PDE4D: variants seen among roughly 807,000 people sequenced by gnomAD.
PDE4D encodes the protein phosphodiesterase 4D.
In PDE4D, 24 loss-of-function variants were observed where a neutral mutation model predicts 87.4. The observed-to-expected ratio is 0.27, with a 90% confidence interval of 0.20 to 0.39. The LOEUF is 0.39. PDE4D is among the 10% of genes least tolerant of loss of function. PDE4D has a pLI of 1.00. For missense variants in PDE4D, 714 were observed against 1,041.0 expected (o/e 0.69, Z 4.32); for synonymous variants, 384 against 383.2 (o/e 1.00, Z -0.02).
At chr5:60,214,526 C>G (rs547781852) in intron 1 of PDE4D, among the ~76,000 whole-genome samples, 1 of 152,048 alleles carries the variant, frequency 6.6e-6, no homozygotes, top group Non-Finnish European at 1.5e-5. Flanking sequence ...AGTATAACTA[C>G]TAGATACCAA....
chr5:58,982,804 T>G (rs1239241501), intron 11 of PDE4D, among the ~76,000 whole-genome samples: 1 of 152,170 alleles, frequency 6.6e-6, no homozygotes, highest in African/African-American at 2.4e-5. Context: ...TGTTGGGTGA[T>G]GACAGGGGTG....
intron 2 of PDE4D, among the ~76,000 whole-genome samples, chr5:60,085,221 G>A (rs761081492): frequency 2.6e-5 from 4 of 152,072 alleles, no homozygotes; most frequent in African/African-American, 4.8e-5. Context: ...AAAAGAGTTC[G>A]GGAATAGCAG....
intron 1 of PDE4D, among the ~76,000 whole-genome samples, chr5:59,316,889 A>T (rs1397745909): frequency 6.6e-6 from 1 of 152,154 alleles, no homozygotes; most frequent in Non-Finnish European, 1.5e-5. Flanking sequence ...TGGAGAAATG[A>T]GAAATTCTGT....
At chr5:59,053,651 T>TTTTTTTTG (rs1761909539) in intron 5 of PDE4D, among the ~76,000 whole-genome samples, 1 of 89,494 alleles carries the variant, frequency 1.1e-5, no homozygotes, top group East Asian at 3.6e-4. Context: ...TTTTGTTTTT[T>TTTTTTTTG]TTTGTTGTTG....
intron 2 of PDE4D, among the ~76,000 whole-genome samples, chr5:60,059,894 C>A (rs1413142068): frequency 2.6e-5 from 4 of 152,046 alleles, no homozygotes; most frequent in East Asian, 1.9e-4. Context: ...TGATCCCCCC[C>A]AGGAAAACTG....
At chr5:59,119,363 G>C (rs1055377179) in intron 5 of PDE4D, among the ~76,000 whole-genome samples, 1 of 152,074 alleles carries the variant, frequency 6.6e-6, no homozygotes, top group African/African-American at 2.4e-5. Flanking sequence ...ATTGTATAGG[G>C]GCTACCAGCA....
chr5:60,072,053 G>A (rs997766674), intron 2 of PDE4D, among the ~76,000 whole-genome samples: 2 of 152,126 alleles, frequency 1.3e-5, no homozygotes, highest in Non-Finnish European at 2.9e-5. Flanking sequence ...GGACTGCTGG[G>A]TTGAAAGGTA....
At chr5:59,713,861 A>G (rs1262962473) in intron 1 of PDE4D, among the ~76,000 whole-genome samples, 2 of 152,106 alleles carry the variant, frequency 1.3e-5, no homozygotes. Flanking sequence ...CCAATCCCTG[A>G]GGGATGCAGT....
chr5:60,046,292 T>C (rs1582353041), intron 2 of PDE4D, among the ~76,000 whole-genome samples: 6 of 152,310 alleles, frequency 3.9e-5, no homozygotes, highest in Admixed American at 3.9e-4. Context: ...TTTCTAGATA[T>C]ACAATCATGT....
intron 5 of PDE4D, among the ~76,000 whole-genome samples, chr5:59,124,702 A>G (rs1477873409): frequency 6.6e-6 from 1 of 152,228 alleles, no homozygotes; most frequent in Non-Finnish European, 1.5e-5. Flanking sequence ...TTTTATAACT[A>G]CAACATATTC....
chr5:59,798,708 G>A (rs1301505913), intron 1 of PDE4D, among the ~76,000 whole-genome samples: 1 of 152,186 alleles, frequency 6.6e-6, no homozygotes, highest in African/African-American at 2.4e-5. Context: ...GGTGAACATT[G>A]CTTCCATTTC....
intron 3 of PDE4D, among the ~76,000 whole-genome samples, chr5:59,908,556 C>T (rs769134614): frequency 3.9e-5 from 6 of 152,174 alleles, no homozygotes; most frequent in Non-Finnish European, 7.3e-5. Context: ...TAATAACCTC[C>T]TCAAGATGTT....
At chr5:59,042,307 T>C (rs973107395) in intron 5 of PDE4D, among the ~76,000 whole-genome samples, 1 of 152,156 alleles carries the variant, frequency 6.6e-6, no homozygotes, top group South Asian at 2.1e-4. Context: ...TTCTAAGACA[T>C]CAAGTAACTG....
intron 1 of PDE4D, among the ~76,000 whole-genome samples, chr5:59,669,569 A>T (rs298057): frequency 0.35 from 53,495 of 152,050 alleles, 10,990 homozygotes; most frequent in East Asian, 0.69. Flanking sequence ...AAATTATTAA[A>T]ATTTAACTAA....
chr5:59,410,342 GTTCAAGTGA>G, intron 1 of PDE4D, among the ~76,000 whole-genome samples: 2 of 152,192 alleles, frequency 1.3e-5, no homozygotes, highest in Non-Finnish European at 2.9e-5. Context: ...TGCCTCCCAG[GTTCAAGTGA>G]TTCTTGTGCC....
At chr5:59,299,700 C>T (rs971932656) in intron 1 of PDE4D, among the ~76,000 whole-genome samples, 1 of 152,120 alleles carries the variant, frequency 6.6e-6, no homozygotes, top group Non-Finnish European at 1.5e-5. Context: ...TTCTCAAGTC[C>T]CTCCTATCTT....
intron 1 of PDE4D, among the ~76,000 whole-genome samples, chr5:59,344,040 G>A (rs2153583132): frequency 6.6e-6 from 1 of 152,082 alleles, no homozygotes; most frequent in South Asian, 2.1e-4. Context: ...TTTGCGTGGT[G>A]GATTACACAG....
intron 6 of PDE4D, among the ~76,000 whole-genome samples, chr5:58,994,636 G>C (rs1283024528): frequency 1.3e-5 from 2 of 152,060 alleles, no homozygotes; most frequent in Non-Finnish European, 2.9e-5. Flanking sequence ...ATAATTCTTA[G>C]TATTTAATTA....
chr5:59,377,835 G>A (rs931615491), intron 1 of PDE4D, among the ~76,000 whole-genome samples: 1 of 152,126 alleles, frequency 6.6e-6, no homozygotes, highest in Non-Finnish European at 1.5e-5. Context: ...GTTGGTGGGA[G>A]TGTAAATTAG....
Sources: allele counts gnomAD v4.1 joint callset (sites outside exome capture counted in the v4.1 genomes callset), GRCh38; gene constraint gnomAD v4.1.1; transcripts MANE v1.5; gene names NCBI Gene and HGNC (gene_info 2026-07-23, HGNC 2026-07-21).